The following CMC1 variants were observed in gnomAD, a reference collection of about 807,000 sequenced individuals.
The protein encoded by CMC1 is COX assembly mitochondrial protein homolog.
In CMC1, 14 loss-of-function variants were observed where a neutral mutation model predicts 14.1. The ratio of observed to expected loss-of-function variants is 0.99; its 90% confidence interval spans 0.66 to 1.55. CMC1 has a LOEUF of 1.55. CMC1 is among the 40% of genes most tolerant of loss of function. The pLI is 0.00. For missense variants in CMC1, 127 were observed against 123.8 expected, an observed-to-expected ratio of 1.03 and a Z score of -0.12; for synonymous variants, 50 against 38.4, an observed-to-expected ratio of 1.30 and a Z score of -1.12.
At chr3:28,265,251 G>T (rs1042115997) in intron 2 of CMC1, among the ~76,000 whole-genome samples, 3 of 151,874 alleles carry the variant, frequency 2.0e-5, no homozygotes, top group African/African-American at 4.8e-5. Flanking sequence ...ATTATGTATT[G>T]ATTTTTTAGG....
rs542425555 is a variant in CMC1 at position 28,276,045 on chromosome 3, C to G, written c.109+12665C>G. ...CTGGGAGCTCGGTAGTGTTAGGCAGCAGCCATCATCTGCAGTGATGGCAGC... is the reference window on the plus strand; with the variant it reads ...CTGGGAGCTCGGTAGTGTTAGGCAGGAGCCATCATCTGCAGTGATGGCAGC... On this transcript the variant is annotated intron_variant, in intron 2 of 3. Transcript: ENST00000466830. 1.4e-3 allele frequency among the ~76,000 whole-genome samples: 206 copies of G among 152,294 alleles called. 1 individual carries two copies. The highest frequency in any genetic ancestry group is 4.6e-3 in the African/African-American group (192 of 41,572).
chr3:28,300,046 A>G (rs1193104425), intron 2 of CMC1, among the ~76,000 whole-genome samples: 1 of 152,182 alleles, frequency 6.6e-6, no homozygotes, highest in East Asian at 1.9e-4. Context: ...TACTATACTT[A>G]TTAAGTGTCT....
At chr3:28,258,181 A>G (rs1699523651) in intron 1 of CMC1, among the ~76,000 whole-genome samples, 1 of 150,218 alleles carries the variant, frequency 6.7e-6, no homozygotes, top group Admixed American at 6.6e-5. Context: ...GGGGTTCTTG[A>G]TATATTCTGG....
At chr3:28,293,715 G>A (rs1701601088) in intron 2 of CMC1, among the ~76,000 whole-genome samples, 1 of 151,984 alleles carries the variant, frequency 6.6e-6, no homozygotes, top group Non-Finnish European at 1.5e-5. Flanking sequence ...CTAAGTAGCT[G>A]GGATTACAGA....
At chr3:28,282,416 G>A (rs1210244969) in intron 2 of CMC1, among the ~76,000 whole-genome samples, 5 of 152,112 alleles carry the variant, frequency 3.3e-5, no homozygotes, top group Non-Finnish European at 5.9e-5. Flanking sequence ...CAGTCTTTTT[G>A]CTATTGTTCT....
At chr3:28,293,539 G>C (rs1157850177) in intron 2 of CMC1, among the ~76,000 whole-genome samples, 1 of 152,060 alleles carries the variant, frequency 6.6e-6, no homozygotes, top group African/African-American at 2.4e-5. Flanking sequence ...TGCTTTTGAG[G>C]CTTATGTTCT....
At chr3:28,274,769 T>C (rs1700490017) in intron 2 of CMC1, among the ~76,000 whole-genome samples, 1 of 152,094 alleles carries the variant, frequency 6.6e-6, no homozygotes, top group African/African-American at 2.4e-5. Flanking sequence ...AGGTTTGGTC[T>C]TTTTACATAA....
chr3:28,304,362 G>A (rs749623631), intron 2 of CMC1, among the ~76,000 whole-genome samples: 15 of 151,400 alleles, frequency 9.9e-5, no homozygotes, highest in Non-Finnish European at 2.2e-4. Flanking sequence ...AGATGTCTCA[G>A]TCATAATCCC....
At position 28,323,067 on chromosome 3, in the gene CMC1, T is replaced by C. The variant is rs1703239281; in HGVS notation, c.*3438T>C. On this transcript the variant is annotated 3_prime_UTR_variant, in exon 4 of 4. Transcript: ENST00000466830. ...GACAATATCAATACAGCCCAAACCCTGATTTCTATGATTAAAAATAATAAT... is the reference window on the plus strand; with the variant it reads ...GACAATATCAATACAGCCCAAACCCCGATTTCTATGATTAAAAATAATAAT... The C allele has an allele frequency of 6.6e-6, 1 of 151,112 alleles. No individual in the cohort carries two copies. Among genetic ancestry groups the C allele is most frequent in the Non-Finnish European group, 1.5e-5 (1 of 67,362 alleles). The allele number at this position is 151,112 out of a possible 1,614,324, so 9.4% of individuals were successfully genotyped here.
chr3:28,265,302 A>G (rs1247479054), intron 2 of CMC1, among the ~76,000 whole-genome samples: 1 of 152,092 alleles, frequency 6.6e-6, no homozygotes, highest in Non-Finnish European at 1.5e-5. Context: ...TAAAATTGAT[A>G]AGAGAATAAG....
chr3:28,272,389 G>A (rs568160348), intron 2 of CMC1, among the ~76,000 whole-genome samples: 1 of 152,176 alleles, frequency 6.6e-6, no homozygotes, highest in South Asian at 2.1e-4. Context: ...TTTGAGGTAT[G>A]TTCCATCAAT....
At chr3:28,313,014 G>A (rs1253797794) in intron 2 of CMC1, among the ~76,000 whole-genome samples, 1 of 151,994 alleles carries the variant, frequency 6.6e-6, no homozygotes, top group African/African-American at 2.4e-5. Flanking sequence ...CTGCCACCAT[G>A]CCCAGCTGAT....
At chr3:28,317,180 G>A (rs1486313021) in intron 3 of CMC1, 1 of 151,816 alleles carries the variant, frequency 6.6e-6, no homozygotes, top group African/African-American at 2.4e-5. Context: ...AAAATGTAAT[G>A]AACACCCGAA....
At chr3:28,270,778 T>C (rs1454484788) in intron 2 of CMC1, among the ~76,000 whole-genome samples, 1 of 152,156 alleles carries the variant, frequency 6.6e-6, no homozygotes. Context: ...TGTCAATTTT[T>C]GCTTTTGTTG....
chr3:28,306,082 A>G (rs765124541), intron 2 of CMC1, among the ~76,000 whole-genome samples: 2 of 151,948 alleles, frequency 1.3e-5, no homozygotes, highest in Non-Finnish European at 2.9e-5. Flanking sequence ...TATTTTGGTT[A>G]TGATAGCCTT....
chr3:28,299,786 A>T (rs1472778502), intron 2 of CMC1, among the ~76,000 whole-genome samples: 1 of 152,254 alleles, frequency 6.6e-6, no homozygotes, highest in Middle Eastern at 3.4e-3. Context: ...GAAGAAAGTG[A>T]GCAATTCAGA....
intron 1 of CMC1, among the ~76,000 whole-genome samples, chr3:28,247,326 A>G (rs1208507831): frequency 6.6e-6 from 1 of 152,136 alleles, no homozygotes; most frequent in Non-Finnish European, 1.5e-5. Context: ...GAAAAGAAAA[A>G]AAAAACCCTT....
intron 1 of CMC1, among the ~76,000 whole-genome samples, chr3:28,249,753 T>C (rs1011583091): frequency 2.0e-5 from 3 of 152,178 alleles, no homozygotes; most frequent in African/African-American, 7.2e-5. Context: ...CAAAATCCCA[T>C]AGACTGACTT....
rs190432605 is a variant in CMC1 at position 28,257,558 on chromosome 3, C to T, written c.20-5733C>T. Among the ~76,000 whole-genome samples the T allele has an allele frequency of 5.3e-5, 8 of 152,216 alleles. No homozygotes were observed. In the East Asian group the frequency reaches 1.2e-3, roughly 22 times the overall value. On this transcript the variant is annotated intron_variant, in intron 1 of 3. Transcript: ENST00000466830. Reference sequence around the variant, plus strand: ...TTTTTGAGACTGAGTCTCACTCTGTCGCCAGGCTGGAGTGCAGTGATGCCA... The same window carrying T: ...TTTTTGAGACTGAGTCTCACTCTGTTGCCAGGCTGGAGTGCAGTGATGCCA...
Sources: gnomAD v4.1 joint callset for allele counts (sites outside exome capture counted in the v4.1 genomes callset) on GRCh38, gnomAD v4.1.1 for gene constraint, MANE v1.5 for transcripts, NCBI Gene and HGNC (gene_info 2026-07-23, HGNC 2026-07-21) for gene names.